Variants in CEMIP2 observed in about 807,000 individuals in gnomAD.
CEMIP2 encodes the protein cell migration inducing hyaluronidase 2.
Under a neutral mutation model 146.9 loss-of-function variants are expected in CEMIP2, and 79 were observed. That is an observed-to-expected ratio of 0.54 (90% CI 0.45 to 0.65). The LOEUF (loss-of-function observed/expected upper bound fraction) is 0.65. Ranked by LOEUF, CEMIP2 falls within the 30% of genes least tolerant of loss-of-function variation. CEMIP2 has a pLI of 0.00. For synonymous variants in CEMIP2, 601 were observed against 606.3 expected (o/e 0.99, Z 0.13); for missense variants, 1,596 against 1,696.2 (o/e 0.94, Z 1.04).
chr9:71,704,868 T>C, intron 17 of CEMIP2, 65 bp from the exon 18 acceptor site: 1 of 1,502,014 alleles, frequency 6.7e-7, no homozygotes, highest in Non-Finnish European at 9.2e-7. Context: ...AAAGACATTT[T>C]CAGCACAAAG....
In CEMIP2 at chr9:71,685,305, C is replaced by T. The variant is rs970901439; in HGVS notation, c.4044G>A (p.Val1348=). ...GCTGCAAAGGTATGAATTGTTCAAGCACCCCAAGGCCCTGTCCAGCAGGAC... is the reference window on the plus strand; with the variant it reads ...GCTGCAAAGGTATGAATTGTTCAAGTACCCCAAGGCCCTGTCCAGCAGGAC... ...FTSPAGQGLG[V]LEQFIPLQLD... is the part of the protein sequence containing the mutation. The change falls in exon 24 of 24, where the codon GTG becomes GTA. Residue 1348 remains valine, a synonymous_variant. Transcript: ENST00000377044. 14 of 1,611,182 alleles carry T rather than the reference C, an allele frequency of 8.7e-6. No individual in the cohort carries two copies. In the African/African-American group the frequency reaches 1.5e-4, roughly 17 times the overall value.
intron 1 of CEMIP2, among the ~76,000 whole-genome samples, chr9:71,762,503 CAAAAAAAAA>C (rs58090104): frequency 3.8e-5 from 3 of 79,738 alleles, no homozygotes; most frequent in Admixed American, 3.3e-4. Context: ...GCCCCGTCAC[CAAAAAAAAA>C]AAAAAAAAAA....
At position 71,685,852 on chromosome 9, in the gene CEMIP2, T is replaced by C; in HGVS notation, c.3852-6A>G. The stretch of plus-strand genomic sequence containing the variant: ...TGCTCAACAGAACAATGGACCTGTA[T>C]GTGAAATTTAGAAAGTCAGAGCCAA... On this transcript the variant is annotated splice_region_variant and splice_polypyrimidine_tract_variant and intron_variant, in intron 22 of 23. Coordinates refer to ENST00000377044, the MANE Select transcript of CEMIP2 (RefSeq NM_013390.3). 1 of 1,611,124 alleles carries C rather than the reference T, an allele frequency of 6.2e-7. No homozygotes were observed. The highest frequency in any genetic ancestry group is 1.1e-5 in the South Asian group (1 of 90,960).
intron 1 of CEMIP2, among the ~76,000 whole-genome samples, chr9:71,755,435 G>A (rs1824405079): frequency 6.6e-6 from 1 of 151,644 alleles, no homozygotes; most frequent in Non-Finnish European, 1.5e-5. Flanking sequence ...AGCTACTCCG[G>A]AGGCGGAGGC....
intron 10 of CEMIP2, among the ~76,000 whole-genome samples, chr9:71,726,777 T>C (rs926891015): frequency 7.2e-5 from 11 of 152,016 alleles, no homozygotes; most frequent in Non-Finnish European, 1.5e-4. Flanking sequence ...CTCTGAAAAA[T>C]GTTTGCTACC....
Position 71,761,369 on chromosome 9 carries a change from T to A in CEMIP2, c.-13+6988A>T, listed in dbSNP as rs72739813. On this transcript the variant is annotated intron_variant, in intron 1 of 23. Coordinates refer to ENST00000377044, the MANE Select transcript of CEMIP2 (RefSeq NM_013390.3). The stretch of plus-strand genomic sequence containing the variant: ...ACAAGCAAAGACCTGCCAAAGTTCA[T>A]GATCTAGTGATGTACAGATACCAAA... Among the ~76,000 whole-genome samples the A allele has an allele frequency of 4.8e-3, 737 of 152,338 alleles. 49 individuals carry two copies. In the South Asian group the frequency reaches 0.13, roughly 27 times the overall value.
Position 71,704,351 on chromosome 9 carries a change from G to A in CEMIP2, c.3194+244C>T, listed in dbSNP as rs879083874. The A allele has an allele frequency of 3.7e-5, 19 of 514,830 alleles. 1 individual carries two copies. Among genetic ancestry groups the A allele is most frequent in the African/African-American group, 9.6e-5 (5 of 52,022 alleles). 31.9% of individuals were successfully genotyped at this position (514,830 alleles called of 1,614,324 possible). A position where few individuals can be genotyped will look rare whatever the true frequency, so the allele number is the denominator to read the frequency against. On this transcript the variant is annotated intron_variant, in intron 18 of 23. Transcript: ENST00000377044. Reference sequence around the variant, plus strand: ...GCATTCAGCAGTATTAAAACCTATCGTTGAATGGCTTTATGTGCATAATAA... The same window carrying A: ...GCATTCAGCAGTATTAAAACCTATCATTGAATGGCTTTATGTGCATAATAA...
intron 4 of CEMIP2, among the ~76,000 whole-genome samples, chr9:71,740,969 A>G (rs1040551660): frequency 2.0e-5 from 3 of 152,012 alleles, no homozygotes; most frequent in Non-Finnish European, 2.9e-5. Flanking sequence ...CTAACAGGTT[A>G]CCACATTATG....
chr9:71,742,380 T>C (rs1823947963), intron 4 of CEMIP2, among the ~76,000 whole-genome samples: 1 of 152,228 alleles, frequency 6.6e-6, no homozygotes, highest in African/African-American at 2.4e-5. Flanking sequence ...TCAGCAACTA[T>C]AAAACAATGT....
chr9:71,692,336 A>ATC (rs151025508), intron 21 of CEMIP2, among the ~76,000 whole-genome samples: 1,961 of 44,236 alleles, frequency 0.044, 31 homozygotes, highest in Admixed American at 0.08. Context: ...CGCTCTCCCC[A>ATC]TCTCTCTCTC....
rs1204101475 is a variant in CEMIP2 at position 71,700,737 on chromosome 9, T to C, written c.3282A>G (p.Ser1094=). ...GCTCATATTCTTCGATTTTGGATAA[T>C]GAGCCATTCTGCCGCTGCAAATAGC... ...TFGYLQRQNG[S]LSKIEEYEPV... The change falls in exon 19 of 24, where the codon TCA becomes TCG. Residue 1094 remains serine (S), a synonymous_variant. Transcript: ENST00000377044. The C allele has an allele frequency of 1.2e-6, 2 of 1,614,060 alleles. No homozygotes were observed. The highest frequency in any genetic ancestry group is 1.7e-6 in the Non-Finnish European group (2 of 1,180,032).
At chr9:71,743,105 A>G (rs1165036133) in intron 4 of CEMIP2, among the ~76,000 whole-genome samples, 1 of 152,378 alleles carries the variant, frequency 6.6e-6, no homozygotes, top group African/African-American at 2.4e-5. Flanking sequence ...ACTACATGCA[A>G]CAATATGAAT....
intron 18 of CEMIP2, 113 bp from the exon 19 acceptor site, chr9:71,700,937 A>G (rs1247169003): frequency 1.0e-6 from 1 of 969,872 alleles, no homozygotes; most frequent in Admixed American, 3.4e-5. Flanking sequence ...CTTCCTGCCC[A>G]TAGTTTTCTC....
rs1394228130 is a variant in CEMIP2 at position 71,745,584 on chromosome 9, A to G, written c.473-5T>C. ...TGTCCCCAAATACAAGCAGTCCTGC[A>G]GGGAACACCACCCTGTAAGCCAACT... On this transcript the variant is annotated splice_polypyrimidine_tract_variant and splice_region_variant and intron_variant, in intron 3 of 23. Coordinates refer to ENST00000377044, the MANE Select transcript of CEMIP2 (RefSeq NM_013390.3). 4 of 1,589,090 alleles carry G rather than the reference A, an allele frequency of 2.5e-6. No homozygotes were observed.
At chr9:71,744,718 G>C (rs1468257022) in intron 4 of CEMIP2, among the ~76,000 whole-genome samples, 1 of 152,208 alleles carries the variant, frequency 6.6e-6, no homozygotes, top group Non-Finnish European at 1.5e-5. Flanking sequence ...AGTATCTTCA[G>C]AGGCAAATTG....
intron 3 of CEMIP2, 55 bp downstream of exon 3, chr9:71,746,145 AT>A: frequency 6.3e-7 from 1 of 1,578,748 alleles, no homozygotes; most frequent in South Asian, 1.2e-5. Context: ...AACATCAAAT[AT>A]CCCCCACATT....
intron 4 of CEMIP2, among the ~76,000 whole-genome samples, chr9:71,743,364 G>A (rs898354405): frequency 6.6e-6 from 1 of 152,050 alleles, no homozygotes; most frequent in African/African-American, 2.4e-5. Flanking sequence ...ATCACATTGC[G>A]GCAACTTATT....
chr9:71,712,401 C>G, intron 15 of CEMIP2, 141 bp from the exon 16 acceptor site: 1 of 707,884 alleles, frequency 1.4e-6, no homozygotes, highest in Non-Finnish European at 2.3e-6. Flanking sequence ...AAACAAGATA[C>G]CTGATTGAAT....
At chr9:71,688,021 TA>T (rs914674186) in intron 22 of CEMIP2, among the ~76,000 whole-genome samples, 1 of 152,166 alleles carries the variant, frequency 6.6e-6, no homozygotes, top group African/African-American at 2.4e-5. Context: ...CATACCCAGA[TA>T]ATTTTTAAAT....
Sources: gnomAD v4.1 joint callset for allele counts (sites outside exome capture counted in the v4.1 genomes callset) on GRCh38, gnomAD v4.1.1 for gene constraint, MANE v1.5 for transcripts, NCBI Gene and HGNC (gene_info 2026-07-23, HGNC 2026-07-21) for gene names.